The following STAP2 variants were observed in gnomAD, a reference collection of about 807,000 sequenced individuals.
STAP2 encodes the protein signal transducing adaptor family member 2.
Under a neutral mutation model 52.7 loss-of-function variants are expected in STAP2, and 58 were observed. The ratio of observed to expected loss-of-function variants is 1.10; its 90% CI spans 0.89 to 1.37. The LOEUF (loss-of-function observed/expected upper bound fraction) is 1.37, where lower values mean the gene tolerates loss of function less well. Ranked by LOEUF, STAP2 falls within the 40% of genes most tolerant of loss-of-function variation. STAP2 has a pLI of 0.00. For missense variants in STAP2, 522 were observed against 519.4 expected (o/e 1.00, Z -0.05); for synonymous variants, 231 against 210.5 (o/e 1.10, Z -0.84).
chr19:4,324,275 AC>A, intron 12 of STAP2, 78 bp from the exon 13 acceptor site: 1 of 1,464,664 alleles, frequency 6.8e-7, no homozygotes. Context: ...GCCACCCAGG[AC>A]CAGCTACAGA....
intron 9 of STAP2, 69 bp downstream of exon 9, chr19:4,326,873 C>G: frequency 1.3e-6 from 2 of 1,527,668 alleles, no homozygotes; most frequent in Non-Finnish European, 1.8e-6. Flanking sequence ...ACCAAACTGA[C>G]TGAGGGGGCG....
chr19:4,334,583 C>T (rs1031505162), intron 1 of STAP2, among the ~76,000 whole-genome samples: 1 of 151,012 alleles, frequency 6.6e-6, no homozygotes, highest in Non-Finnish European at 1.5e-5. Flanking sequence ...TCCACCCACC[C>T]ACCCATTCAT....
chr19:4,327,095 GC>G (rs773170776), intron 8 of STAP2, 28 bp downstream of exon 8: 5 of 1,613,152 alleles, frequency 3.1e-6, no homozygotes, highest in South Asian at 2.2e-5. Context: ...TGAGCACTGG[GC>G]CCCCGAACTC....
intron 4 of STAP2, among the ~76,000 whole-genome samples, chr19:4,330,540 CAAAAA>C (rs1201004457): frequency 1.8e-5 from 2 of 109,854 alleles, no homozygotes; most frequent in Non-Finnish European, 1.9e-5. Context: ...CCAACCCCAC[CAAAAA>C]AAAAAAAAAA....
intron 11 of STAP2, 150 bp downstream of exon 11, chr19:4,325,066 G>A: frequency 1.5e-6 from 1 of 656,162 alleles, no homozygotes; most frequent in South Asian, 1.9e-5. Context: ...GTGAACCCAG[G>A]AGGCGGAGCT....
In STAP2 at chr19:4,327,187, C is replaced by A. The variant is rs1483847164; in HGVS notation, c.700G>T (p.Val234Leu). Residue 234 changes from valine (V) to leucine (L), a missense_variant, in exon 8 of 13, where the codon GTG (valine) becomes TTG (leucine). Transcript: ENST00000594605. ...ACCAGCGCCTTTTTGGTATGCGACACGAAATAGTTGACCACGGCGTCCAGG... is the reference window on the plus strand; with the variant it reads ...ACCAGCGCCTTTTTGGTATGCGACAAGAAATAGTTGACCACGGCGTCCAGG... ...TSLDAVVNYF[V>L]SHTKKALVPF... 3 of 1,614,030 alleles carry A rather than the reference C, an allele frequency of 1.9e-6. No individual in the cohort carries two copies. The highest frequency in any genetic ancestry group is 1.6e-4 in the Middle Eastern group (1 of 6,084).
At chr19:4,332,371 CT>C (rs879421259) in intron 3 of STAP2, among the ~76,000 whole-genome samples, 106 of 143,822 alleles carry the variant, frequency 7.4e-4, no homozygotes, top group Admixed American at 7.7e-4. Flanking sequence ...CCTCGCCCAG[CT>C]TTTTTTTTTT....
intron 1 of STAP2, among the ~76,000 whole-genome samples, chr19:4,337,549 A>C (rs1599557332): frequency 2.0e-5 from 1 of 49,052 alleles, no homozygotes; most frequent in East Asian, 1.5e-3. Flanking sequence ...CCCCATCTTC[A>C]AAAAAAAAAA....
chr19:4,338,548 A>ACCCCCCCCC, intron 1 of STAP2, 104 bp downstream of exon 1: 1 of 527,402 alleles, frequency 1.9e-6, no homozygotes, highest in Non-Finnish European at 3.4e-6. Context: ...CCCATCCAGC[A>ACCCCCCCCC]CCCACCCCGC....
At chr19:4,338,185 C>G (rs1250206777) in intron 1 of STAP2, 1 of 159,428 alleles carries the variant, frequency 6.3e-6, no homozygotes, top group African/African-American at 2.4e-5. Context: ...AATGTGGCCC[C>G]CGCTAGCTCT....
At position 4,325,613 on chromosome 19, in the gene STAP2, G is replaced by C. The variant is rs963186148; in HGVS notation, c.830-68C>G. The C allele has an allele frequency of 2.0e-6, 3 of 1,499,116 alleles. No individual in the cohort carries two copies. The African/African-American group carries it at 4.2e-5, about 21-fold the overall frequency. The allele number at this position is 1,499,116 out of a possible 1,614,324, so 92.9% of individuals were successfully genotyped here. ...GGGACACCTTGCAGGTTGGCGGGGGGGTCTGTGTGCATGCCTGGAGACAGG... is the reference window on the plus strand; with the variant it reads ...GGGACACCTTGCAGGTTGGCGGGGGCGTCTGTGTGCATGCCTGGAGACAGG... On this transcript the variant is annotated intron_variant, in intron 9 of 12. Coordinates refer to ENST00000594605, the MANE Select transcript of STAP2 (RefSeq NM_001013841.2).
chr19:4,332,792 C>A (rs1046254398), intron 3 of STAP2, among the ~76,000 whole-genome samples: 1 of 152,094 alleles, frequency 6.6e-6, no homozygotes, highest in Non-Finnish European at 1.5e-5. Flanking sequence ...CTCACTACTG[C>A]ACTCCAGCCT....
At position 4,328,718 on chromosome 19, in the gene STAP2, C is replaced by T. The variant is rs375801724; in HGVS notation, c.547G>A (p.Gly183Ser). 4.5e-5 allele frequency: 73 copies of T among 1,607,784 alleles called. No homozygotes were observed. Among genetic ancestry groups the T allele is most frequent in the Non-Finnish European group, 5.7e-5 (67 of 1,177,982 alleles). Reference sequence around the variant, plus strand: ...GTGGTGACCGACACGCCGTCGGCGCCGTCCCCGCTGGGCCGCAGCAGCAGG... The same window carrying T: ...GTGGTGACCGACACGCCGTCGGCGCTGTCCCCGCTGGGCCGCAGCAGCAGG... Reference protein sequence around the residue: ...GNLLLRPSGDGADGVSVTTRQ... With the variant: ...GNLLLRPSGDSADGVSVTTRQ... Residue 183 changes from glycine to serine, a missense_variant, in exon 6 of 13, where the codon GGC becomes AGC. Physicochemically the swap from Gly to Ser is moderately conservative, Grantham distance 56. Transcript: ENST00000594605.
intron 3 of STAP2, 78 bp downstream of exon 3, chr19:4,333,616 T>C (rs1971927585): frequency 6.6e-7 from 1 of 1,515,138 alleles, no homozygotes; most frequent in East Asian, 2.3e-5. Context: ...CCTTCGTGGT[T>C]GGCACAATGG....
rs1971776985 is a variant in STAP2, at chr19:4,325,517, C to T, written c.858G>A (p.Lys286=). The part of the protein sequence containing the change: ...PGPAPCTGGP[K]PLSPASSQDK... ...CCTGGCTAGACGCAGGTGACAGCGG[C>T]TTGGGGCCACCTGTGCAGGGTGCAG... The change falls in exon 10 of 13, where the codon AAG becomes AAA. Residue 286 remains lysine (K), a synonymous_variant. Coordinates refer to ENST00000594605, the MANE Select transcript of STAP2 (RefSeq NM_001013841.2). 2 of 1,605,384 alleles carry T rather than the reference C, an allele frequency of 1.2e-6. No homozygotes were observed. Among genetic ancestry groups the T allele is most frequent in the Admixed American group, 3.4e-5 (2 of 59,514 alleles).
At chr19:4,336,359 C>T (rs1971980638) in intron 1 of STAP2, among the ~76,000 whole-genome samples, 3 of 131,906 alleles carry the variant, frequency 2.3e-5, no homozygotes, top group Non-Finnish European at 4.7e-5. Flanking sequence ...CACTCTGTCA[C>T]CTAGGCTGAA....
chr19:4,324,627 T>C (rs1368044437), intron 11 of STAP2, 98 bp from the exon 12 acceptor site: 13 of 1,240,956 alleles, frequency 1.0e-5, no homozygotes, highest in African/African-American at 1.6e-5. Flanking sequence ...AGGTCAGGAG[T>C]TCGAGACCAG....
Position 4,328,732 on chromosome 19 carries a change from C to A in STAP2, c.533G>T (p.Arg178Leu), listed in dbSNP as rs757195598. The change falls in exon 6 of 13, where the codon CGG becomes CTG. Residue 178 changes from arginine (R) to leucine (L), a missense_variant. Physicochemically the swap from Arg to Leu is moderately radical, Grantham distance 102 (BLOSUM62 -2). Coordinates refer to ENST00000594605, the MANE Select transcript of STAP2 (RefSeq NM_001013841.2). ...GCCGTCGGCGCCGTCCCCGCTGGGC[C>A]GCAGCAGCAGGTTCCCGCACTCGGG... is the stretch of plus-strand genomic sequence containing the variant. ...RYPECGNLLLRPSGDGADGVS... is the reference protein window; with the variant it reads ...RYPECGNLLLLPSGDGADGVS... 1.1e-5 allele frequency: 18 copies of A among 1,609,426 alleles called. No individual in the cohort carries two copies. The highest frequency in any genetic ancestry group is 1.5e-5 in the Non-Finnish European group (18 of 1,178,598).
intron 6 of STAP2, among the ~76,000 whole-genome samples, 191 bp from the exon 7 acceptor site, chr19:4,327,576 A>T (rs563317053): frequency 6.6e-6 from 1 of 151,430 alleles, no homozygotes; most frequent in East Asian, 2.0e-4. Context: ...CTCCCGGAGC[A>T]CTGACTGCCC....
Sources: gnomAD v4.1 joint callset for allele counts (sites outside exome capture counted in the v4.1 genomes callset) on GRCh38, gnomAD v4.1.1 for gene constraint, MANE v1.5 for transcripts, NCBI Gene and HGNC (gene_info 2026-07-23, HGNC 2026-07-21) for gene names.